SLX9: variants seen among roughly 807,000 people sequenced by gnomAD.
SLX9 encodes SLX9 ribosome biogenesis factor.
A neutral mutation model predicts 20.8 loss-of-function variants in SLX9; 19 were observed. The ratio of observed to expected loss-of-function variants is 0.91; its 90% confidence interval spans 0.64 to 1.34. SLX9 has a LOEUF of 1.34. Ranked by LOEUF, SLX9 falls within the 40% of genes most tolerant of loss-of-function variation. The pLI is 0.00. For missense variants in SLX9, 299 were observed against 322.2 expected (o/e 0.93, Z 0.55); for synonymous variants, 113 against 137.1 (o/e 0.82, Z 1.23).
intron 4 of SLX9, among the ~76,000 whole-genome samples, chr21:44,972,551 CGTT>C (rs1281465987): frequency 6.6e-6 from 1 of 152,184 alleles, no homozygotes; most frequent in Non-Finnish European, 1.5e-5. Context: ...CTGCAGTGCT[CGTT>C]GGCACCCCCC....
At chr21:44,970,215 C>A (rs1315521259) in intron 4 of SLX9, among the ~76,000 whole-genome samples, 3 of 152,216 alleles carry the variant, frequency 2.0e-5, no homozygotes, top group Non-Finnish European at 4.4e-5. Context: ...GTTTGGAATC[C>A]TGCTGGGAAA....
intron 2 of SLX9, among the ~76,000 whole-genome samples, chr21:44,948,940 A>G (rs12482225): frequency 0.41 from 62,010 of 152,154 alleles, 15,204 homozygotes; most frequent in South Asian, 0.67. Context: ...GCCAGCGCCA[A>G]GCCACCCTCA....
intron 3 of SLX9, among the ~76,000 whole-genome samples, chr21:44,964,268 T>C (rs1408503921): frequency 6.6e-6 from 1 of 152,248 alleles, no homozygotes; most frequent in Non-Finnish European, 1.5e-5. Context: ...TTAGGTCTGG[T>C]AGTCATTTTG....
intron 2 of SLX9, among the ~76,000 whole-genome samples, chr21:44,950,790 C>T (rs1377384717): frequency 2.0e-5 from 3 of 152,336 alleles, no homozygotes; most frequent in South Asian, 2.1e-4. Context: ...GGGGTTCTAG[C>T]CTCCTGCACC....
intron 2 of SLX9, 70 bp downstream of exon 2, chr21:44,943,907 G>C: frequency 1.9e-6 from 3 of 1,597,780 alleles, no homozygotes; most frequent in African/African-American, 2.7e-5. Context: ...AGGCACCCGA[G>C]GTCTCAGCAG....
chr21:44,958,566 AGCCCGCGGCACCG>A (rs2084900184), intron 2 of SLX9: 1 of 152,324 alleles, frequency 6.6e-6, no homozygotes, highest in Non-Finnish European at 1.5e-5. Flanking sequence ...CCCCCTCCGT[AGCCCGCGGCACCG>A]ACTGGATCTC....
intron 2 of SLX9, among the ~76,000 whole-genome samples, chr21:44,955,929 C>T (rs62214498): frequency 0.084 from 12,816 of 152,304 alleles, 737 homozygotes; most frequent in Non-Finnish European, 0.13. Context: ...CTGCAGACAC[C>T]GCCGGGAGCA....
intron 3 of SLX9, among the ~76,000 whole-genome samples, 168 bp from the exon 4 acceptor site, chr21:44,966,866 C>T (rs1485810701): frequency 2.0e-5 from 3 of 152,256 alleles, no homozygotes; most frequent in Non-Finnish European, 2.9e-5. Flanking sequence ...GAAAATAACT[C>T]AAGCCTGCCC....
intron 4 of SLX9, chr21:44,972,937 T>C: frequency 1.7e-6 from 1 of 573,996 alleles, no homozygotes; most frequent in Non-Finnish European, 3.1e-6. Flanking sequence ...ACGGAGCAGC[T>C]TGGGGCCCGC....
chr21:44,972,996 G>T, intron 4 of SLX9: 1 of 666,644 alleles, frequency 1.5e-6, no homozygotes, highest in Non-Finnish European at 2.6e-6. Context: ...GGCGGTCACA[G>T]GACGGTCAGG....
At chr21:44,965,881 C>A (rs2085024810) in intron 3 of SLX9, among the ~76,000 whole-genome samples, 1 of 152,124 alleles carries the variant, frequency 6.6e-6, no homozygotes, top group Admixed American at 6.5e-5. Context: ...GGTGCCCTGG[C>A]TCTCTTTTAA....
At chr21:44,950,741 T>C (rs533507650) in intron 2 of SLX9, among the ~76,000 whole-genome samples, 1 of 152,280 alleles carries the variant, frequency 6.6e-6, no homozygotes, top group South Asian at 2.1e-4. Flanking sequence ...TGCTGTTTCC[T>C]CCCATCTTAG....
At position 44,940,196 on chromosome 21, in the gene SLX9, G is replaced by A. The variant is rs2084513453; in HGVS notation, c.129+10G>A. ...CTCGGCCGCGGGGAAGGTGAGCTGG[G>A]GAGGCGCTGGCCGGGGGCTGCCGCG... On this transcript the variant is annotated intron_variant, in intron 1 of 5. Transcript: ENST00000291634. 12 of 1,239,476 alleles carry A rather than the reference G, an allele frequency of 9.7e-6. No homozygotes were observed. In the South Asian group the frequency reaches 2.8e-4, roughly 29 times the overall value. 76.8% of individuals were successfully genotyped at this position (1,239,476 alleles called of 1,614,324 possible). A position where few individuals can be genotyped will look rare whatever the true frequency, so the allele number is the denominator to read the frequency against.
At chr21:44,971,267 C>G (rs1198880038) in intron 4 of SLX9, among the ~76,000 whole-genome samples, 1 of 152,212 alleles carries the variant, frequency 6.6e-6, no homozygotes, top group Non-Finnish European at 1.5e-5. Flanking sequence ...GCTCCAATTC[C>G]TCCTCGGCTT....
intron 2 of SLX9, among the ~76,000 whole-genome samples, chr21:44,951,697 A>G (rs1568932760): frequency 2.0e-5 from 3 of 152,136 alleles, no homozygotes; most frequent in African/African-American, 4.8e-5. Context: ...TGTGGGCACC[A>G]TCTCTCACTG....
At chr21:44,939,708 A>C (rs1239265500), upstream of SLX9, 1 of 468,714 alleles carries the variant, frequency 2.1e-6, no homozygotes, top group Non-Finnish European at 4.2e-6. Flanking sequence ...TCCTTCTCAA[A>C]TATAGAATTT....
intron 2 of SLX9, among the ~76,000 whole-genome samples, chr21:44,946,617 G>A (rs780804102): frequency 2.5e-4 from 38 of 152,332 alleles, no homozygotes; most frequent in Non-Finnish European, 5.3e-4. Context: ...TGCCTTGGAG[G>A]TTGTCCCTGA....
chr21:44,972,691 G>A (rs551495562), intron 4 of SLX9, among the ~76,000 whole-genome samples: 55 of 152,330 alleles, frequency 3.6e-4, no homozygotes, highest in African/African-American at 1.3e-3. Flanking sequence ...GAGGACCTGG[G>A]GACATGTAGG....
intron 2 of SLX9, among the ~76,000 whole-genome samples, chr21:44,946,112 A>G (rs1222909906): frequency 6.6e-6 from 1 of 152,262 alleles, no homozygotes; most frequent in Non-Finnish European, 1.5e-5. Context: ...GAACTTTACA[A>G]TGTCAAAGAT....
Sources: gnomAD v4.1 joint callset for allele counts (sites outside exome capture counted in the v4.1 genomes callset) on GRCh38, gnomAD v4.1.1 for gene constraint, MANE v1.5 for transcripts, NCBI Gene and HGNC (gene_info 2026-07-23, HGNC 2026-07-21) for gene names.